The following ZNF75D variants were observed in gnomAD, a reference collection of about 807,000 sequenced individuals.
ZNF75D encodes the protein zinc finger protein 75.
A neutral mutation model predicts 33.3 loss-of-function variants in ZNF75D; 33 were observed. That is an observed-to-expected ratio of 0.99 (90% CI 0.75 to 1.32). The LOEUF is 1.32. ZNF75D is among the 40% of genes most tolerant of loss of function. ZNF75D has a pLI of 0.00. For synonymous variants in ZNF75D, 113 were observed against 130.6 expected, an observed-to-expected ratio of 0.87 and a Z score of 0.92; for missense variants, 338 against 367.5, an observed-to-expected ratio of 0.92 and a Z score of 0.66.
intron 1 of ZNF75D, among the ~76,000 whole-genome samples, chrX:135,326,023 C>T (rs1556437388): frequency 9.0e-6 from 1 of 111,067 alleles, no homozygotes; most frequent in Non-Finnish European, 1.9e-5. Flanking sequence ...CACCAATCGA[C>T]ACTCTGTATC....
chrX:135,333,873 C>T (rs1280819075), intron 1 of ZNF75D, among the ~76,000 whole-genome samples: 1 of 111,850 alleles, frequency 8.9e-6, no homozygotes, highest in African/African-American at 3.3e-5. Context: ...CAACGAACAT[C>T]AGAACTGGAC....
downstream of ZNF75D, among the ~76,000 whole-genome samples, chrX:135,283,876 AC>A (rs2083930076): frequency 9.0e-6 from 1 of 111,477 alleles, no homozygotes; most frequent in South Asian, 3.8e-4. Context: ...GGTAGGCTTG[AC>A]CCACTCACAT....
At chrX:135,289,004 T>C (rs180855791) in intron 6 of ZNF75D, among the ~76,000 whole-genome samples, 1 of 112,747 alleles carries the variant, frequency 8.9e-6, no homozygotes, top group Admixed American at 9.3e-5. Context: ...CTGAGTTCAC[T>C]GATATTTGAG....
chrX:135,288,573 A>G (rs1364349010), intron 6 of ZNF75D, among the ~76,000 whole-genome samples: 1 of 112,326 alleles, frequency 8.9e-6, no homozygotes, highest in Non-Finnish European at 1.9e-5. Flanking sequence ...CTTTTTGCTT[A>G]ATTTCTGCAA....
intron 1 of ZNF75D, among the ~76,000 whole-genome samples, chrX:135,267,132 TTATAGC>T: frequency 9.0e-6 from 1 of 111,312 alleles, no homozygotes; most frequent in East Asian, 2.8e-4. Flanking sequence ...AGAGGGAAGT[TTATAGC>T]TATAAGTGCC....
At chrX:135,316,632 T>G (rs782577893) in intron 1 of ZNF75D, among the ~76,000 whole-genome samples, 2 of 111,505 alleles carry the variant, frequency 1.8e-5, no homozygotes, top group African/African-American at 3.3e-5. Context: ...CACCAATAAT[T>G]TGTATATTTG....
At chrX:135,325,759 G>A (rs782020548) in intron 1 of ZNF75D, among the ~76,000 whole-genome samples, 3 of 110,992 alleles carry the variant, frequency 2.7e-5, no homozygotes, top group South Asian at 3.7e-4. Context: ...GCTCCTGTGC[G>A]GCCTGAGCCT....
In ZNF75D at chrX:135,324,372, G is replaced by C. The variant is rs536317125; in HGVS notation, c.-391+17396C>G. Among the ~76,000 whole-genome samples, 39 of 112,297 alleles carry C rather than the reference G, an allele frequency of 3.5e-4. No individual in the cohort carries two copies. In the South Asian group the frequency reaches 0.012, roughly 35 times the overall value. On this transcript the variant is annotated intron_variant, in intron 1 of 6. Coordinates refer to ENST00000370766, the MANE Select transcript of ZNF75D (RefSeq NM_007131.5). ...AAAACATTTGAACTAGTAAAAAGTTGATTTCCAAAGTAATGGAGAGACATT... is the reference window on the plus strand; with the variant it reads ...AAAACATTTGAACTAGTAAAAAGTTCATTTCCAAAGTAATGGAGAGACATT...
intron 1 of ZNF75D, among the ~76,000 whole-genome samples, chrX:135,331,195 T>A (rs1391393350): frequency 9.0e-6 from 1 of 111,333 alleles, no homozygotes; most frequent in Non-Finnish European, 1.9e-5. Flanking sequence ...GCACAAGGCA[T>A]TTTAATATAG....
At chrX:135,338,343 G>T (rs2084742551) in intron 1 of ZNF75D, among the ~76,000 whole-genome samples, 1 of 111,767 alleles carries the variant, frequency 8.9e-6, no homozygotes, top group South Asian at 3.7e-4. Context: ...GGTGTCAGAG[G>T]ATGGAAGCAG....
At chrX:135,300,219 A>C (rs2084195733) in intron 1 of ZNF75D, among the ~76,000 whole-genome samples, 1 of 112,003 alleles carries the variant, frequency 8.9e-6, no homozygotes, top group Non-Finnish European at 1.9e-5. Context: ...AGAATGTCAC[A>C]GCTGAACAAA....
intron 1 of ZNF75D, among the ~76,000 whole-genome samples, chrX:135,338,023 A>G (rs1238562435): frequency 3.6e-5 from 4 of 111,090 alleles, no homozygotes; most frequent in Non-Finnish European, 7.5e-5. Flanking sequence ...GAGAGGGATG[A>G]GATGCAAGGA....
At chrX:135,295,294 T>A (rs907371273) in intron 2 of ZNF75D, among the ~76,000 whole-genome samples, 4 of 112,021 alleles carry the variant, frequency 3.6e-5, no homozygotes, top group Non-Finnish European at 7.5e-5. Context: ...TCTTTAATGT[T>A]GAAATGACCC....
intron 1 of ZNF75D, among the ~76,000 whole-genome samples, chrX:135,270,352 CATAT>C (rs530211370): frequency 0.042 from 2,677 of 63,204 alleles, 75 homozygotes; most frequent in Middle Eastern, 0.1. Context: ...CAAAATATCT[CATAT>C]ATATATATAT....
chrX:135,328,770 G>A (rs1556438823), intron 1 of ZNF75D, among the ~76,000 whole-genome samples: 2 of 112,297 alleles, frequency 1.8e-5, no homozygotes, highest in African/African-American at 3.2e-5. Context: ...CCCTGGCTAC[G>A]TCTGTTCTCT....
At chrX:135,278,069 A>G (rs2083906122) in intron 1 of ZNF75D, among the ~76,000 whole-genome samples, 1 of 111,898 alleles carries the variant, frequency 8.9e-6, no homozygotes, top group Non-Finnish European at 1.9e-5. Context: ...GAATCTATAA[A>G]TTACTTTGGG....
chrX:135,263,546 G>A lies in ZNF75D; in HGVS notation n.828-7769C>T, dbSNP rs375683699. On this transcript the variant is annotated intron_variant and non_coding_transcript_variant, in intron 1 of 3. Coordinates refer to the ZNF75D transcript ENST00000494295. ...TGGCGGACGCCCCTCCCCTAGCCAGGTTGCTGTTTCGCAGATCGAACTCAG... is the reference window on the plus strand; with the variant it reads ...TGGCGGACGCCCCTCCCCTAGCCAGATTGCTGTTTCGCAGATCGAACTCAG... Among the ~76,000 whole-genome samples, 6 of 112,881 alleles carry A rather than the reference G, an allele frequency of 5.3e-5. No individual in the cohort carries two copies. The East Asian group carries it at 1.1e-3, about 21-fold the overall frequency.
intron 3 of ZNF75D, 40 bp downstream of exon 3, chrX:135,293,690 A>T: frequency 9.0e-7 from 1 of 1,115,545 alleles, no homozygotes; most frequent in South Asian, 2.2e-5. Flanking sequence ...ATCCACTTTT[A>T]TCCTACTTCA....
intron 1 of ZNF75D, among the ~76,000 whole-genome samples, chrX:135,319,577 T>C (rs1470922336): frequency 1.8e-5 from 2 of 112,077 alleles, no homozygotes; most frequent in African/African-American, 3.2e-5. Flanking sequence ...GGAGTGGTCT[T>C]TTTTGGCCAT....
Sources: gnomAD v4.1 joint callset for allele counts (sites outside exome capture counted in the v4.1 genomes callset) on GRCh38, gnomAD v4.1.1 for gene constraint, MANE v1.5 for transcripts, NCBI Gene and HGNC (gene_info 2026-07-23, HGNC 2026-07-21) for gene names.